The following NUP107 variants were observed in gnomAD, a reference collection of about 807,000 sequenced individuals.
NUP107 encodes the protein nuclear pore complex protein Nup107.
NUP107 carries 101 observed loss-of-function variants against 141.0 expected under a neutral mutation model. The ratio of observed to expected loss-of-function variants is 0.72; its 90% confidence interval spans 0.61 to 0.84. NUP107 has a LOEUF of 0.84. NUP107 is among the 40% of genes least tolerant of loss of function. The probability of loss-of-function intolerance (pLI) is 0.00; values close to 1 mark genes in which losing one functional copy is unlikely to be tolerated. For synonymous variants in NUP107, 319 were observed against 363.9 expected (o/e 0.88, Z 1.41); for missense variants, 941 against 1,102.7 (o/e 0.85, Z 2.08).
intron 20 of NUP107, among the ~76,000 whole-genome samples, chr12:68,729,301 T>G (rs1877712839): frequency 6.6e-6 from 1 of 152,236 alleles, no homozygotes; most frequent in African/African-American, 2.4e-5. Flanking sequence ...TAGACCACAA[T>G]GTATGGTCTG....
intron 5 of NUP107, among the ~76,000 whole-genome samples, chr12:68,693,242 T>G (rs1875902521): frequency 6.6e-6 from 1 of 152,066 alleles, no homozygotes; most frequent in Non-Finnish European, 1.5e-5. Context: ...CACGCCTGGC[T>G]AATTTTTGTA....
intron 17 of NUP107, among the ~76,000 whole-genome samples, chr12:68,725,176 A>G (rs1399830383): frequency 6.6e-6 from 1 of 152,240 alleles, no homozygotes; most frequent in Admixed American, 6.5e-5. Context: ...CTAAATAAAA[A>G]TTAAAATACG....
Position 68,690,716 on chromosome 12 carries a change from G to T in NUP107, c.273G>T (p.Gln91His), listed in dbSNP as rs777763751. Residue 91 changes from glutamine to histidine, a missense_variant, in exon 4 of 28, where the codon CAG becomes CAT. Transcript: ENST00000229179. ...GAGGGAAGTCGCCCCGACTTACGCA[G>T]TCTTCAGGGTTCTTTGGAAATCTCT... is the stretch of plus-strand genomic sequence containing the variant. Reference protein sequence around the residue: ...GTGGKSPRLTQSSGFFGNLSM... With the variant: ...GTGGKSPRLTHSSGFFGNLSM... The T allele has an allele frequency of 2.5e-6, 4 of 1,614,038 alleles. No homozygotes were observed. Among genetic ancestry groups the T allele is most frequent in the Admixed American group, 1.7e-5 (1 of 59,996 alleles).
Position 68,726,485 on chromosome 12 carries a change from T to G in NUP107, c.1577-14T>G. The G allele has an allele frequency of 6.6e-7, 1 of 1,525,268 alleles. No homozygotes were observed. The highest frequency in any genetic ancestry group is 9.1e-7 in the Non-Finnish European group (1 of 1,102,208). The allele number at this position is 1,525,268 out of a possible 1,614,324, so 94.5% of individuals were successfully genotyped here. ...TTATTCCTATTGTTGAATCTTCACT[T>G]TGATGGCTTGTAGGTTTGATGGATG... On this transcript the variant is annotated splice_polypyrimidine_tract_variant and intron_variant, in intron 18 of 27. Coordinates refer to ENST00000229179, the MANE Select transcript of NUP107 (RefSeq NM_020401.4).
chr12:68,687,787 C>A, intron 1 of NUP107: 2 of 370,018 alleles, frequency 5.4e-6, no homozygotes, highest in Non-Finnish European at 7.5e-6. Flanking sequence ...ATCTTCAGAA[C>A]AAGAAAAATC....
Position 68,692,070 on chromosome 12 carries a change from A to G in NUP107, c.406A>G (p.Ile136Val). Reference protein sequence around the residue: ...EPHSITEDVTISAVMLREDDP... With the variant: ...EPHSITEDVTVSAVMLREDDP... ...CCACAGTATAACAGAAGATGTAACT[A>G]TCAGTGCTGTTATGTTACGTGAGGA... The change falls in exon 5 of 28, where the codon ATC becomes GTC. Residue 136 changes from isoleucine (I) to valine (V), a missense_variant. Physicochemically the swap from Ile to Val is conservative, Grantham distance 29. Transcript: ENST00000229179. The G allele has an allele frequency of 6.2e-7, 1 of 1,611,320 alleles. No homozygotes were observed. Among genetic ancestry groups the G allele is most frequent in the Non-Finnish European group, 8.5e-7 (1 of 1,179,126 alleles).
At chr12:68,697,527 A>G (rs2136003985) in intron 6 of NUP107, among the ~76,000 whole-genome samples, 1 of 152,226 alleles carries the variant, frequency 6.6e-6, no homozygotes, top group Non-Finnish European at 1.5e-5. Flanking sequence ...TGCTGGGTTT[A>G]ATACCTAGTT....
chr12:68,699,247 C>T (rs1358934031), intron 6 of NUP107, among the ~76,000 whole-genome samples: 1 of 151,968 alleles, frequency 6.6e-6, no homozygotes, highest in South Asian at 2.1e-4. Context: ...GTGGTGGGCA[C>T]CTGTAATCCC....
chr12:68,721,705 C>T, intron 15 of NUP107, 136 bp from the exon 16 acceptor site: 1 of 815,096 alleles, frequency 1.2e-6, no homozygotes. Flanking sequence ...GGTTATTTGG[C>T]ATAATTTTTT....
At position 68,721,913 on chromosome 12, in the gene NUP107, G is replaced by A; in HGVS notation, c.1384G>A (p.Glu462Lys). 1 of 1,614,032 alleles carries A rather than the reference G, an allele frequency of 6.2e-7. No individual in the cohort carries two copies. Among genetic ancestry groups the A allele is most frequent in the Non-Finnish European group, 8.5e-7 (1 of 1,179,902 alleles). ...CCGGGTGATGGTGGACAGTCTGGTA[G>A]AACAGGAGATCCAGACATCAGTAGC... Reference protein sequence around the residue: ...YFRVMVDSLVEQEIQTSVATL... With the variant: ...YFRVMVDSLVKQEIQTSVATL... Residue 462 changes from glutamate (E) to lysine (K), a missense_variant, in exon 16 of 28, where the codon GAA becomes AAA. By Grantham distance (56) the Glu-to-Lys change is moderately conservative. Transcript: ENST00000229179.
chr12:68,728,421 CTTTTTT>C (rs775566595), intron 20 of NUP107, among the ~76,000 whole-genome samples: 6 of 112,484 alleles, frequency 5.3e-5, no homozygotes, highest in Non-Finnish European at 7.0e-5. Flanking sequence ...GAAAACCTGT[CTTTTTT>C]TTTTTTTTTT....
At chr12:68,729,081 T>A (rs545150806) in intron 20 of NUP107, among the ~76,000 whole-genome samples, 2 of 152,320 alleles carry the variant, frequency 1.3e-5, no homozygotes, top group East Asian at 3.9e-4. Context: ...AAGCTTACTT[T>A]TTATTGCAGT....
chr12:68,706,135 C>T, intron 8 of NUP107: 5 of 766,484 alleles, frequency 6.5e-6, no homozygotes, highest in Non-Finnish European at 1.2e-5. Context: ...AACTTGATAA[C>T]ATGCAGGGGC....
rs767468734 is a variant in NUP107 at position 68,726,543 on chromosome 12, A to C, written c.1621A>C (p.Asn541His). The part of the protein sequence containing the change: ...FSKWLSKSRN[N>H]LPGHLLRFMT... ...CAAATGGCTTTCCAAAAGCAGAAAC[A>C]ATCTACCTGGACACCTGCTTCGCTT... The change falls in exon 19 of 28, where the codon AAT becomes CAT. Residue 541 changes from asparagine to histidine, a missense_variant. Transcript: ENST00000229179. The C allele has an allele frequency of 6.2e-7, 1 of 1,613,914 alleles. No individual in the cohort carries two copies. Among genetic ancestry groups the C allele is most frequent in the Non-Finnish European group, 8.5e-7 (1 of 1,179,970 alleles).
intron 14 of NUP107, 95 bp downstream of exon 14, chr12:68,719,749 TG>T: frequency 1.1e-6 from 1 of 879,596 alleles, no homozygotes. Flanking sequence ...AGTGTAAAAC[TG>T]GTTTTCAGAG....
Position 68,733,497 on chromosome 12 carries a change from C to T in NUP107, c.2147C>T (p.Pro716Leu), listed in dbSNP as rs950415904. ...EAAKEVFVKI[P>L]QDSIAEIYNQ... is the part of the protein sequence containing the mutation. ...GCAAAAGAAGTATTTGTGAAAATTC[C>T]TCAGGATTCTATAGCAGAAATCTAT... The change falls in exon 24 of 28, where the codon CCT becomes CTT. Residue 716 changes from proline to leucine, a missense_variant. Coordinates refer to ENST00000229179, the MANE Select transcript of NUP107 (RefSeq NM_020401.4). 6.2e-7 allele frequency: 1 copy of T among 1,609,818 alleles called. No homozygotes were observed. Among genetic ancestry groups the T allele is most frequent in the Non-Finnish European group, 8.5e-7 (1 of 1,178,578 alleles).
At chr12:68,717,307 G>A (rs1164456107) in intron 12 of NUP107, among the ~76,000 whole-genome samples, 1 of 152,152 alleles carries the variant, frequency 6.6e-6, no homozygotes, top group Non-Finnish European at 1.5e-5. Context: ...TGAGTGTTTT[G>A]TATTTACTTA....
At chr12:68,707,179 C>A (rs1048126577) in intron 8 of NUP107, 6 of 479,338 alleles carry the variant, frequency 1.3e-5, no homozygotes, top group African/African-American at 1.2e-4. Flanking sequence ...TCAGCCCTAG[C>A]CCTCTGCCCA....
intron 26 of NUP107, among the ~76,000 whole-genome samples, chr12:68,735,780 G>A (rs1429546912): frequency 6.6e-6 from 1 of 152,170 alleles, no homozygotes; most frequent in Non-Finnish European, 1.5e-5. Flanking sequence ...TTGGTCTGAG[G>A]TAGGGCTGGG....
Sources: allele counts gnomAD v4.1 joint callset (sites outside exome capture counted in the v4.1 genomes callset), GRCh38; gene constraint gnomAD v4.1.1; transcripts MANE v1.5; gene names NCBI Gene and HGNC (gene_info 2026-07-23, HGNC 2026-07-21).